The following NKIRAS1 variants were observed in gnomAD, a reference collection of about 807,000 sequenced individuals.
NKIRAS1 encodes NF-kappa-B inhibitor-interacting Ras-like protein 1.
NKIRAS1 carries 16 observed loss-of-function variants against 19.8 expected under a neutral mutation model. The ratio of observed to expected loss-of-function variants is 0.81; its 90% CI spans 0.55 to 1.23. The LOEUF (loss-of-function observed/expected upper bound fraction) is 1.23. NKIRAS1 is among the 50% of genes most tolerant of loss of function. The probability of loss-of-function intolerance (pLI) is 0.00; values close to 1 mark genes in which losing one functional copy is unlikely to be tolerated. For missense variants in NKIRAS1, 184 were observed against 220.0 expected, an observed-to-expected ratio of 0.84 and a Z score of 1.04; for synonymous variants, 88 against 79.0, an observed-to-expected ratio of 1.11 and a Z score of -0.61.
chr3:23,924,071 C>T (rs531734304), intron 1 of NKIRAS1: 1 of 152,338 alleles, frequency 6.6e-6, no homozygotes, highest in African/African-American at 2.4e-5. Flanking sequence ...CTTCCCACAA[C>T]TGTGGAAGCC....
intron 1 of NKIRAS1, among the ~76,000 whole-genome samples, chr3:23,911,701 C>T (rs938616526): frequency 1.3e-5 from 2 of 150,626 alleles, no homozygotes; most frequent in African/African-American, 4.9e-5. Context: ...TTCAAAGAAA[C>T]ATGAAAGTTT....
chr3:23,920,035 A>G, upstream of NKIRAS1: 1 of 986,296 alleles, frequency 1.0e-6, no homozygotes, highest in Non-Finnish European at 1.2e-6. Context: ...CCATGGCTTC[A>G]TGGCATTCAG....
Position 23,893,239 on chromosome 3 carries a change from T to G in NKIRAS1, c.435A>C (p.Arg145Ser). 1.9e-6 allele frequency: 3 copies of G among 1,614,206 alleles called. No homozygotes were observed. The highest frequency in any genetic ancestry group is 2.5e-6 in the Non-Finnish European group (3 of 1,180,034). Residue 145 changes from arginine (R) to serine (S), a missense_variant, in exon 5 of 5, where the codon AGA becomes AGC. Transcript: ENST00000425478. ...GATCTGTAACAGTCACCTCCCACAG[T>G]CTTACTTTCTCACTTTTTGCCCACT... ...AQQWAKSEKV[R>S]LWEVTVTDRK...
At chr3:23,930,602 A>G (rs1705296879) in intron 1 of NKIRAS1, among the ~76,000 whole-genome samples, 1 of 152,148 alleles carries the variant, frequency 6.6e-6, no homozygotes, top group East Asian at 1.9e-4. Context: ...ATTTACAGAC[A>G]ATAACTAATC....
chr3:23,894,288 A>G (rs544914919), intron 4 of NKIRAS1, among the ~76,000 whole-genome samples: 1 of 152,336 alleles, frequency 6.6e-6, no homozygotes, highest in African/African-American at 2.4e-5. Context: ...ATGGGCAGCA[A>G]GAACTGTCAA....
At position 23,890,171 on chromosome 3, in the gene NKIRAS1, T is replaced by C. The variant is rs1326381874; in HGVS notation, c.*2924A>G. 6.6e-6 allele frequency among the ~76,000 whole-genome samples: 1 copy of C among 152,166 alleles called. No homozygotes were observed. The highest frequency in any genetic ancestry group is 2.1e-4 in the South Asian group (1 of 4,830). ...TCACATGAACACAGCTGGATGTTCATTGCAGTCTGAAGCCTTGACCGTTCC... is the reference window on the plus strand; with the variant it reads ...TCACATGAACACAGCTGGATGTTCACTGCAGTCTGAAGCCTTGACCGTTCC... On this transcript the variant is annotated 3_prime_UTR_variant, in exon 5 of 5. Coordinates refer to ENST00000425478, the MANE Select transcript of NKIRAS1 (RefSeq NM_020345.4).
At chr3:23,924,025 T>C (rs1433113809) in intron 1 of NKIRAS1, 2 of 152,164 alleles carry the variant, frequency 1.3e-5, no homozygotes, top group African/African-American at 2.4e-5. Context: ...ATTACTTCCC[T>C]CCAAGAAAAA....
intron 1 of NKIRAS1, among the ~76,000 whole-genome samples, chr3:23,938,430 T>C (rs1445476756): frequency 1.3e-5 from 2 of 152,140 alleles, no homozygotes; most frequent in East Asian, 3.9e-4. Context: ...CAGGTTGGTC[T>C]TGAACCCTTG....
At chr3:23,903,418 G>A (rs1170643803) in intron 3 of NKIRAS1, among the ~76,000 whole-genome samples, 2 of 151,872 alleles carry the variant, frequency 1.3e-5, no homozygotes, top group African/African-American at 4.8e-5. Context: ...CTGGGCCTAG[G>A]GGTCCATTTT....
exon 1 of NKIRAS1, chr3:23,946,329 G>A (rs1265694382): frequency 2.0e-6 from 2 of 980,906 alleles, no homozygotes; most frequent in African/African-American, 3.5e-5. Flanking sequence ...ATACCTTGCA[G>A]ATTCCGAGGA....
At chr3:23,913,512 G>T (rs1404238177) in intron 1 of NKIRAS1, among the ~76,000 whole-genome samples, 1 of 152,030 alleles carries the variant, frequency 6.6e-6, no homozygotes, top group Non-Finnish European at 1.5e-5. Context: ...ACAAAGTTAA[G>T]AATTCTTTAA....
intron 3 of NKIRAS1, among the ~76,000 whole-genome samples, chr3:23,903,593 A>G (rs1702730810): frequency 6.6e-6 from 1 of 152,206 alleles, no homozygotes; most frequent in African/African-American, 2.4e-5. Flanking sequence ...CATCCATGAA[A>G]TAAGAACAGG....
intron 4 of NKIRAS1, 75 bp from the exon 5 acceptor site, chr3:23,893,412 G>T: frequency 7.3e-7 from 1 of 1,364,930 alleles, no homozygotes; most frequent in Non-Finnish European, 1.0e-6. Context: ...GGAGACATAA[G>T]GAAAATTGTT....
chr3:23,905,499 G>A (rs1319109574), intron 3 of NKIRAS1, among the ~76,000 whole-genome samples: 1 of 152,114 alleles, frequency 6.6e-6, no homozygotes, highest in African/African-American at 2.4e-5. Flanking sequence ...GTAAAATAAA[G>A]ACAGTTTCAA....
chr3:23,902,166 T>A (rs1402392840), intron 3 of NKIRAS1, among the ~76,000 whole-genome samples: 2 of 152,204 alleles, frequency 1.3e-5, no homozygotes, highest in African/African-American at 2.4e-5. Flanking sequence ...CCCCCAATCA[T>A]ACTATGTTAT....
At chr3:23,940,888 A>T (rs1705482816) in intron 1 of NKIRAS1, among the ~76,000 whole-genome samples, 1 of 152,366 alleles carries the variant, frequency 6.6e-6, no homozygotes, top group Non-Finnish European at 1.5e-5. Context: ...GTGTCACAGC[A>T]AACTGCCAGA....
intron 3 of NKIRAS1, among the ~76,000 whole-genome samples, chr3:23,903,041 C>A (rs2125387069): frequency 6.6e-6 from 1 of 152,360 alleles, no homozygotes; most frequent in South Asian, 2.1e-4. Context: ...AATGCCCCTG[C>A]CAGATCACTT....
chr3:23,890,442 C>A lies in NKIRAS1; in HGVS notation c.*2653G>T. The A allele has an allele frequency of 6.7e-7, 1 of 1,493,136 alleles. No individual in the cohort carries two copies. The highest frequency in any genetic ancestry group is 1.2e-5 in the South Asian group (1 of 80,438). The allele number at this position is 1,493,136 out of a possible 1,614,324, so 92.5% of individuals were successfully genotyped here. A position where few individuals can be genotyped will look rare whatever the true frequency, so the allele number is the denominator to read the frequency against. On this transcript the variant is annotated 3_prime_UTR_variant, in exon 5 of 5. Coordinates refer to ENST00000425478, the MANE Select transcript of NKIRAS1 (RefSeq NM_020345.4). ...TGTCGTACGTATCTACCCAAGCTGT[C>A]ACTATTCGCTAAAGTTTAAAATGTT...
chr3:23,937,688 TTC>T (rs1705420093), intron 1 of NKIRAS1, among the ~76,000 whole-genome samples: 2 of 152,150 alleles, frequency 1.3e-5, no homozygotes, highest in Admixed American at 1.3e-4. Flanking sequence ...TTTTCTTATT[TTC>T]TTTCTTACTT....
Sources: gnomAD v4.1 joint callset for allele counts (sites outside exome capture counted in the v4.1 genomes callset) on GRCh38, gnomAD v4.1.1 for gene constraint, MANE v1.5 for transcripts, NCBI Gene and HGNC (gene_info 2026-07-23, HGNC 2026-07-21) for gene names.